Variants in CNTFR observed in about 807,000 individuals in gnomAD.
The protein encoded by CNTFR is ciliary neurotrophic factor receptor subunit alpha.
CNTFR carries 12 observed loss-of-function variants against 40.4 expected under a neutral mutation model. The observed-to-expected ratio is 0.30, with a 90% CI of 0.19 to 0.48. The LOEUF (loss-of-function observed/expected upper bound fraction) is 0.48. Ranked by LOEUF, CNTFR falls within the 20% of genes least tolerant of loss-of-function variation. The probability of loss-of-function intolerance (pLI) is 0.99; values close to 1 mark genes in which losing one functional copy is unlikely to be tolerated. For missense variants in CNTFR, 414 were observed against 506.8 expected (o/e 0.82, Z 1.76); for synonymous variants, 202 against 209.6 (o/e 0.96, Z 0.31).
At chr9:34,586,169 C>T (rs76434397) in intron 1 of CNTFR, among the ~76,000 whole-genome samples, 2,392 of 152,292 alleles carry the variant, frequency 0.016, 67 homozygotes, top group East Asian at 0.085. Flanking sequence ...AGGGTCTCCA[C>T]GGGAGTTAGA....
At chr9:34,574,800 C>T (rs1253836511) in intron 2 of CNTFR, among the ~76,000 whole-genome samples, 2 of 152,236 alleles carry the variant, frequency 1.3e-5, no homozygotes, top group Admixed American at 6.5e-5. Flanking sequence ...CCTCTTGCAC[C>T]GTGGGGACCC....
At chr9:34,574,147 A>G (rs999818046) in intron 2 of CNTFR, among the ~76,000 whole-genome samples, 1 of 151,274 alleles carries the variant, frequency 6.6e-6, no homozygotes, top group Non-Finnish European at 1.5e-5. Flanking sequence ...GGGTGGGGGG[A>G]CCAGGCCGAG....
chr9:34,560,504 T>C (rs1257689033), intron 4 of CNTFR, among the ~76,000 whole-genome samples: 5 of 152,222 alleles, frequency 3.3e-5, no homozygotes, highest in Non-Finnish European at 7.3e-5. Context: ...CTGAACACAG[T>C]GACAGCTAGA....
chr9:34,557,249 C>A lies in CNTFR; in HGVS notation c.604+277G>T, dbSNP rs543154944. Among the ~76,000 whole-genome samples the A allele has an allele frequency of 5.3e-5, 8 of 152,182 alleles. No homozygotes were observed. The highest frequency in any genetic ancestry group is 1.2e-4 in the Non-Finnish European group (8 of 68,018). The stretch of plus-strand genomic sequence containing the variant: ...CAAGGGTCTGGCCCAGCCTGCCCCC[C>A]CTTCCCCCTGCTGCATGTTCTGGGA... On this transcript the variant is annotated intron_variant, in intron 6 of 9. Coordinates refer to ENST00000378980, the MANE Select transcript of CNTFR (RefSeq NM_147164.3). The surrounding 1 kb of genome is among the most constrained non-coding windows in gnomAD (Gnocchi z 4.2).
intron 3 of CNTFR, among the ~76,000 whole-genome samples, chr9:34,566,904 G>C (rs574156060): frequency 2.0e-5 from 3 of 152,174 alleles, no homozygotes; most frequent in Admixed American, 1.3e-4. Context: ...ATGACAGACC[G>C]ATGATGTAAA....
intron 4 of CNTFR, 96 bp from the exon 5 acceptor site, chr9:34,558,080 C>A (rs564948819): frequency 2.0e-5 from 17 of 861,208 alleles, no homozygotes; most frequent in Non-Finnish European, 2.4e-5. Flanking sequence ...AGCTCTCCCC[C>A]CTCAACCCAT....
At chr9:34,588,825 G>C (rs1019427704) in intron 1 of CNTFR, among the ~76,000 whole-genome samples, 12 of 152,094 alleles carry the variant, frequency 7.9e-5, no homozygotes, top group African/African-American at 2.9e-4. Context: ...CACGCACGCG[G>C]AGATACACTA....
intron 2 of CNTFR, among the ~76,000 whole-genome samples, chr9:34,575,910 C>A (rs963581698): frequency 6.6e-6 from 1 of 152,136 alleles, no homozygotes; most frequent in Non-Finnish European, 1.5e-5. Flanking sequence ...CAAGACCGAG[C>A]CATCCTTCCT....
chr9:34,589,142 G>A lies in CNTFR; in HGVS notation c.-112+413C>T, dbSNP rs1827671968. 1.3e-5 allele frequency among the ~76,000 whole-genome samples: 2 copies of A among 152,054 alleles called. No homozygotes were observed. Among genetic ancestry groups the A allele is most frequent in the African/African-American group, 4.8e-5 (2 of 41,400 alleles). On this transcript the variant is annotated intron_variant, in intron 1 of 9. Transcript: ENST00000378980. The surrounding 1 kb of genome is among the most constrained non-coding windows in gnomAD (Gnocchi z 4.4). ...GCGCAACCGTCGGTTCGCATCCCCG[G>A]GCGCTTTGAAGTCCAGATTTCTGCC...
intron 4 of CNTFR, among the ~76,000 whole-genome samples, chr9:34,559,277 G>A (rs1296661794): frequency 6.6e-6 from 1 of 152,198 alleles, no homozygotes; most frequent in Non-Finnish European, 1.5e-5. Flanking sequence ...GCGTGTGCGT[G>A]TCCAGTATGT....
chr9:34,570,513 A>G (rs1826551003), intron 2 of CNTFR, among the ~76,000 whole-genome samples: 1 of 152,206 alleles, frequency 6.6e-6, no homozygotes, highest in African/African-American at 2.4e-5. Context: ...AAGCAGAGAA[A>G]TACCAGAGAA....
At chr9:34,590,701 G>T (rs1030477795), upstream of CNTFR, among the ~76,000 whole-genome samples, 1 of 152,222 alleles carries the variant, frequency 6.6e-6, no homozygotes, top group South Asian at 2.1e-4. Context: ...CGCACCCCTC[G>T]ATAGGAGGCT....
intron 1 of CNTFR, among the ~76,000 whole-genome samples, chr9:34,581,527 C>T (rs1080750): frequency 0.21 from 31,856 of 152,158 alleles, 4,413 homozygotes; most frequent in Non-Finnish European, 0.31. Flanking sequence ...TCACATGCAT[C>T]CTCACATGCA....
intron 3 of CNTFR, among the ~76,000 whole-genome samples, chr9:34,566,545 C>G (rs546400241): frequency 2.6e-5 from 4 of 152,304 alleles, no homozygotes; most frequent in Non-Finnish European, 4.4e-5. Flanking sequence ...ACTGAGCCCC[C>G]CTCCAGCCTC....
At chr9:34,564,526 G>A in intron 4 of CNTFR, 73 bp downstream of exon 4, 1 of 1,352,600 alleles carries the variant, frequency 7.4e-7, no homozygotes, top group African/African-American at 1.4e-5. Flanking sequence ...ACAGGAAGGG[G>A]ACTTGATCTG....
chr9:34,575,769 C>T (rs1046542105), intron 2 of CNTFR, among the ~76,000 whole-genome samples: 9 of 144,172 alleles, frequency 6.2e-5, no homozygotes, highest in Admixed American at 5.2e-4. Context: ...TGAAGATGGT[C>T]GTTCTGACAG....
At chr9:34,589,910 C>T (rs947557026), upstream of CNTFR, among the ~76,000 whole-genome samples, 7 of 150,354 alleles carry the variant, frequency 4.7e-5, no homozygotes, top group Admixed American at 4.6e-4. This position sits in a 1 kb window ranked among gnomAD's most constrained non-coding sequence, Gnocchi z 4.4. Context: ...CCCTCCCCGC[C>T]ACGGGCCCCG....
At chr9:34,583,377 C>A (rs1391633569) in intron 1 of CNTFR, among the ~76,000 whole-genome samples, 1 of 152,230 alleles carries the variant, frequency 6.6e-6, no homozygotes, top group South Asian at 2.1e-4. Context: ...GAGATGAAAT[C>A]CCCTTGCCCA....
chr9:34,570,931 C>T (rs1306509052), intron 2 of CNTFR, among the ~76,000 whole-genome samples: 5 of 152,172 alleles, frequency 3.3e-5, no homozygotes, highest in African/African-American at 1.2e-4. Context: ...GGAAAGTCCC[C>T]TCCTCTGAGC....
Sources: allele counts gnomAD v4.1 joint callset (sites outside exome capture counted in the v4.1 genomes callset), GRCh38; gene constraint gnomAD v4.1.1; non-coding constraint Gnocchi (gnomAD v3.1); transcripts MANE v1.5; gene names NCBI Gene and HGNC (gene_info 2026-07-23, HGNC 2026-07-21).